The following CA8 variants were observed in gnomAD, a reference collection of about 807,000 sequenced individuals.
The protein encoded by CA8 is carbonic anhydrase 8 (inactive).
A neutral mutation model predicts 41.4 loss-of-function variants in CA8; 22 were observed. The ratio of observed to expected loss-of-function variants is 0.53; its 90% CI spans 0.38 to 0.76. The LOEUF (loss-of-function observed/expected upper bound fraction) is 0.76, where lower values mean the gene tolerates loss of function less well. Ranked by LOEUF, CA8 falls within the 30% of genes least tolerant of loss-of-function variation. The probability of loss-of-function intolerance (pLI) is 0.00; values close to 1 mark genes in which losing one functional copy is unlikely to be tolerated. For missense variants in CA8, 270 were observed against 352.8 expected (o/e 0.77, Z 1.88); for synonymous variants, 121 against 130.6 (o/e 0.93, Z 0.50).
At chr8:60,275,253 T>C (rs1804194419) in intron 2 of CA8, among the ~76,000 whole-genome samples, 1 of 152,188 alleles carries the variant, frequency 6.6e-6, no homozygotes, top group Non-Finnish European at 1.5e-5. Flanking sequence ...GAGCTTCTGA[T>C]CTGCTTCCTA....
chr8:60,227,021 G>GTGGC (rs1807464578), intron 4 of CA8, 86 bp from the exon 5 acceptor site: 1 of 945,378 alleles, frequency 1.1e-6, no homozygotes, highest in East Asian at 2.4e-5. Context: ...GCTGAGTGTG[G>GTGGC]TGGCTCATGC....
intron 4 of CA8, among the ~76,000 whole-genome samples, chr8:60,230,643 T>C (rs1225514609): frequency 6.6e-6 from 1 of 151,900 alleles, no homozygotes; most frequent in East Asian, 1.9e-4. Flanking sequence ...CTCAGTTCTG[T>C]GATTTCACTC....
intron 3 of CA8, among the ~76,000 whole-genome samples, chr8:60,242,483 G>T (rs1563364717): frequency 6.6e-6 from 1 of 152,086 alleles, no homozygotes; most frequent in Non-Finnish European, 1.5e-5. Flanking sequence ...GGTTGGAAAA[G>T]ACAGAGCGGG....
At chr8:60,247,780 A>G (rs890189823) in intron 3 of CA8, among the ~76,000 whole-genome samples, 2 of 152,174 alleles carry the variant, frequency 1.3e-5, no homozygotes, top group Non-Finnish European at 2.9e-5. Flanking sequence ...CAGTAATGGG[A>G]TTGCGTATCA....
intron 2 of CA8, among the ~76,000 whole-genome samples, 189 bp from the exon 3 acceptor site, chr8:60,266,238 T>C (rs916795171): frequency 6.6e-6 from 1 of 152,240 alleles, no homozygotes; most frequent in Admixed American, 6.5e-5. Context: ...CTGAAATTCT[T>C]GTATTGGCCA....
At chr8:60,239,590 A>G (rs12549942) in intron 3 of CA8, among the ~76,000 whole-genome samples, 128,168 of 152,226 alleles carry the variant, frequency 0.84, 54,117 homozygotes, top group African/African-American at 0.9. Context: ...TGTGGCCCAC[A>G]GGCCATGGGT....
chr8:60,243,279 C>T (rs1808104776), intron 3 of CA8, among the ~76,000 whole-genome samples: 2 of 152,084 alleles, frequency 1.3e-5, no homozygotes, highest in African/African-American at 4.8e-5. Flanking sequence ...AGTCCTTCCT[C>T]CCTCCTCCTC....
At chr8:60,204,042 G>A (rs1250209267) in intron 8 of CA8, among the ~76,000 whole-genome samples, 2 of 152,166 alleles carry the variant, frequency 1.3e-5, no homozygotes, top group Non-Finnish European at 2.9e-5. Context: ...GGAACCTCAA[G>A]TATTTAATGC....
intron 3 of CA8, among the ~76,000 whole-genome samples, chr8:60,258,983 G>A (rs372560466): frequency 6.6e-6 from 1 of 152,138 alleles, no homozygotes; most frequent in African/African-American, 2.4e-5. Flanking sequence ...AAAGTGAGTA[G>A]GAGAAAAATC....
At chr8:60,255,974 T>C (rs1463771908) in intron 3 of CA8, among the ~76,000 whole-genome samples, 1 of 151,418 alleles carries the variant, frequency 6.6e-6, no homozygotes, top group Non-Finnish European at 1.5e-5. Context: ...AATGATGCGA[T>C]CTCAGGCCAC....
chr8:60,247,773 T>C (rs1271421496), intron 3 of CA8, among the ~76,000 whole-genome samples: 1 of 152,234 alleles, frequency 6.6e-6, no homozygotes, highest in Non-Finnish European at 1.5e-5. Context: ...ATATACCCAG[T>C]AATGGGATTG....
intron 7 of CA8, among the ~76,000 whole-genome samples, chr8:60,216,943 G>A (rs1163184919): frequency 6.6e-6 from 1 of 152,168 alleles, no homozygotes; most frequent in Non-Finnish European, 1.5e-5. Context: ...GAGTGGAGTG[G>A]TACAGTCTCG....
intron 3 of CA8, among the ~76,000 whole-genome samples, chr8:60,236,817 G>A (rs964954158): frequency 1.3e-5 from 2 of 151,912 alleles, no homozygotes; most frequent in Admixed American, 6.6e-5. Flanking sequence ...ATGGATACAC[G>A]CTCCAAAGTT....
intron 3 of CA8, among the ~76,000 whole-genome samples, chr8:60,241,561 A>G (rs991734045): frequency 2.6e-5 from 4 of 152,244 alleles, no homozygotes; most frequent in African/African-American, 4.8e-5. Context: ...TCTTCTCCCA[A>G]AAATGAAGCT....
intron 3 of CA8, among the ~76,000 whole-genome samples, chr8:60,253,860 T>A (rs1309976509): frequency 6.6e-6 from 1 of 152,172 alleles, no homozygotes; most frequent in Admixed American, 6.5e-5. Context: ...CCAGTAAAAA[T>A]CAGTTACTCT....
intron 8 of CA8, among the ~76,000 whole-genome samples, chr8:60,204,763 T>G (rs1321560605): frequency 6.6e-6 from 1 of 152,194 alleles, no homozygotes; most frequent in Non-Finnish European, 1.5e-5. Context: ...GTGCACCATG[T>G]TAAATTATCA....
Position 60,231,135 on chromosome 8 carries a change from C to A in CA8, c.513+1149G>T, listed in dbSNP as rs533763893. Among the ~76,000 whole-genome samples, 127 of 152,140 alleles carry A rather than the reference C, an allele frequency of 8.3e-4. 1 individual carries two copies. Among genetic ancestry groups the A allele is most frequent in the Non-Finnish European group, 1.4e-3 (98 of 67,990 alleles). On this transcript the variant is annotated intron_variant, in intron 4 of 8. Transcript: ENST00000317995. ...GTTACTTCAATATACTAAAAATTATCAAAATATATTTGTATAATGAAAACA... is the reference window on the plus strand; with the variant it reads ...GTTACTTCAATATACTAAAAATTATAAAAATATATTTGTATAATGAAAACA...
intron 8 of CA8, among the ~76,000 whole-genome samples, chr8:60,203,197 C>T (rs11989538): frequency 0.48 from 72,453 of 151,816 alleles, 18,909 homozygotes; most frequent in African/African-American, 0.7. Flanking sequence ...TTTAGGTTGG[C>T]AGATTTCTAG....
chr8:60,219,838 C>T (rs1228295034), intron 7 of CA8, among the ~76,000 whole-genome samples: 3 of 148,006 alleles, frequency 2.0e-5, no homozygotes, highest in Non-Finnish European at 4.4e-5. Context: ...GGAATGATAA[C>T]GGCAGTCACC....
Sources: allele counts gnomAD v4.1 joint callset (sites outside exome capture counted in the v4.1 genomes callset), GRCh38; gene constraint gnomAD v4.1.1; transcripts MANE v1.5; gene names NCBI Gene and HGNC (gene_info 2026-07-23, HGNC 2026-07-21).